KCNAB1: variants seen among roughly 807,000 people sequenced by gnomAD.
KCNAB1 encodes the protein potassium voltage-gated channel subfamily A regulatory beta subunit 1, also known as voltage-gated potassium channel subunit beta-1.
In KCNAB1, 35 loss-of-function variants were observed where a neutral mutation model predicts 64.6. That is an observed-to-expected ratio of 0.54 (90% CI 0.41 to 0.72). KCNAB1 has a LOEUF of 0.72. Among genes scored for constraint, KCNAB1 ranks in the 30% least tolerant of loss-of-function variants. KCNAB1 has a pLI of 0.00. For synonymous variants in KCNAB1, 177 were observed against 183.8 expected (o/e 0.96, Z 0.30); for missense variants, 401 against 512.9 (o/e 0.78, Z 2.11).
chr3:156,382,209 G>A (rs1330819174), intron 1 of KCNAB1: 1 of 152,100 alleles, frequency 6.6e-6, no homozygotes, highest in Non-Finnish European at 1.5e-5. Context: ...TTCAGGCTGG[G>A]TGAGTGGCTC....
chr3:156,244,057 T>C (rs1367349058), intron 1 of KCNAB1, among the ~76,000 whole-genome samples: 1 of 152,242 alleles, frequency 6.6e-6, no homozygotes, highest in Non-Finnish European at 1.5e-5. Flanking sequence ...TCCACACCCA[T>C]GCTTTAAGTT....
intron 1 of KCNAB1, chr3:156,382,352 C>G (rs1369043461): frequency 6.6e-6 from 1 of 152,220 alleles, no homozygotes; most frequent in African/African-American, 2.4e-5. Context: ...CATGGTGGTG[C>G]ATGCCTGTAA....
intron 1 of KCNAB1, among the ~76,000 whole-genome samples, chr3:156,259,577 G>A (rs1265481602): frequency 2.6e-5 from 4 of 152,156 alleles, no homozygotes; most frequent in African/African-American, 4.8e-5. Flanking sequence ...ATCCATTACC[G>A]AAACAGGAGC....
intron 1 of KCNAB1, among the ~76,000 whole-genome samples, chr3:156,298,584 C>A (rs868059538): frequency 2.0e-5 from 3 of 152,284 alleles, no homozygotes; most frequent in East Asian, 3.9e-4. Context: ...AAATTCCTTT[C>A]ATCAAATTCA....
rs1399428296 is a variant in KCNAB1 at position 156,508,595 on chromosome 3, G to A, written c.659-5769G>A. 6.6e-6 allele frequency among the ~76,000 whole-genome samples: 1 copy of A among 152,134 alleles called. No homozygotes were observed. The highest frequency in any genetic ancestry group is 1.5e-5 in the Non-Finnish European group (1 of 68,030). On this transcript the variant is annotated intron_variant, in intron 8 of 13. Coordinates refer to ENST00000490337, the MANE Select transcript of KCNAB1 (RefSeq NM_172160.3). The surrounding 1 kb of genome is among the most constrained non-coding windows in gnomAD (Gnocchi z 4.1). ...AACTGTCCCCAAAATGTTAGAATCTGGGCCTATTTGAGAAGAAACCTGGGC... is the reference window on the plus strand; with the variant it reads ...AACTGTCCCCAAAATGTTAGAATCTAGGCCTATTTGAGAAGAAACCTGGGC...
chr3:156,314,991 G>A (rs952104064), intron 1 of KCNAB1, among the ~76,000 whole-genome samples: 43 of 152,132 alleles, frequency 2.8e-4, no homozygotes, highest in African/African-American at 1.0e-3. Flanking sequence ...TCCAACCTGG[G>A]TGACAGAAGG....
chr3:156,324,864 A>T (rs971019355), intron 1 of KCNAB1, among the ~76,000 whole-genome samples: 9 of 152,126 alleles, frequency 5.9e-5, no homozygotes, highest in Non-Finnish European at 1.0e-4. Context: ...GAGTGTGAGT[A>T]CAGGGGAGCT....
At chr3:156,269,075 A>G (rs1718884819) in intron 1 of KCNAB1, among the ~76,000 whole-genome samples, 1 of 152,180 alleles carries the variant, frequency 6.6e-6, no homozygotes, top group Non-Finnish European at 1.5e-5. Flanking sequence ...TTTTCTGCAT[A>G]TGGATATCCA....
chr3:156,316,093 T>C (rs2108015823), intron 1 of KCNAB1, among the ~76,000 whole-genome samples: 1 of 152,360 alleles, frequency 6.6e-6, no homozygotes, highest in South Asian at 2.1e-4. Context: ...TATGTAGCAG[T>C]CACATCCTTT....
intron 1 of KCNAB1, among the ~76,000 whole-genome samples, chr3:156,381,670 G>A (rs1712166521): frequency 6.6e-6 from 1 of 152,196 alleles, no homozygotes; most frequent in South Asian, 2.1e-4. Flanking sequence ...AACACAAAAT[G>A]AGGAAAGGAT....
chr3:156,380,401 C>T (rs946754726), intron 1 of KCNAB1, among the ~76,000 whole-genome samples: 5 of 152,156 alleles, frequency 3.3e-5, no homozygotes, highest in East Asian at 1.9e-4. Flanking sequence ...GCATTTATTT[C>T]GGAAGTCCTG....
chr3:156,351,978 G>T lies in KCNAB1; in HGVS notation c.276-69638G>T, dbSNP rs559643371. Among the ~76,000 whole-genome samples the T allele has an allele frequency of 6.6e-4, 101 of 152,326 alleles. 1 individual carries two copies. The highest frequency in any genetic ancestry group is 2.4e-4 in the Non-Finnish European group (16 of 68,038). ...GGGCCTCCTCAGGCTGTCTCTCAGG[G>T]CATGTTCTGAAGCCCCCTGCACTGT... On this transcript the variant is annotated intron_variant, in intron 1 of 13. Transcript: ENST00000490337.
At chr3:156,171,917 G>A (rs1361038043) in intron 1 of KCNAB1, among the ~76,000 whole-genome samples, 3 of 152,176 alleles carry the variant, frequency 2.0e-5, no homozygotes, top group Non-Finnish European at 4.4e-5. Flanking sequence ...ATCTGACCAA[G>A]TGATTTCTGG....
At chr3:156,191,114 A>G (rs1048697821) in intron 1 of KCNAB1, among the ~76,000 whole-genome samples, 1 of 152,280 alleles carries the variant, frequency 6.6e-6, no homozygotes, top group African/African-American at 2.4e-5. Context: ...ATGGATTCAC[A>G]TGTAGAAATA....
At chr3:156,200,314 G>C (rs1200016074) in intron 1 of KCNAB1, among the ~76,000 whole-genome samples, 1 of 152,234 alleles carries the variant, frequency 6.6e-6, no homozygotes, top group East Asian at 1.9e-4. Context: ...GGACCCATTT[G>C]ATGAGGCAGT....
At chr3:156,315,591 C>T (rs1722221203) in intron 1 of KCNAB1, among the ~76,000 whole-genome samples, 1 of 151,944 alleles carries the variant, frequency 6.6e-6, no homozygotes, top group African/African-American at 2.4e-5. Context: ...TTTACTATCC[C>T]TTACAAAAGC....
intron 1 of KCNAB1, among the ~76,000 whole-genome samples, chr3:156,324,451 G>A (rs909776935): frequency 3.9e-5 from 6 of 152,224 alleles, no homozygotes; most frequent in East Asian, 1.9e-4. Flanking sequence ...ATGAATCGGT[G>A]CCATTTTAGT....
chr3:156,267,377 G>A (rs113688249), intron 1 of KCNAB1, among the ~76,000 whole-genome samples: 2,691 of 152,146 alleles, frequency 0.018, 53 homozygotes, highest in South Asian at 0.023. Context: ...GCCACCCTAT[G>A]CCTGTTTACA....
rs1204653570 is a variant in KCNAB1, at chr3:156,508,690, GA to G, written c.659-5671del. 1.3e-5 allele frequency among the ~76,000 whole-genome samples: 2 copies of G among 152,134 alleles called. No homozygotes were observed. The highest frequency in any genetic ancestry group is 2.9e-5 in the Non-Finnish European group (2 of 68,028). ...CACCCATTATCCCACGTCAAGCTTT[GA>G]AAGAATTTCACAACATCCATATCAT... On this transcript the variant is annotated intron_variant, in intron 8 of 13. Coordinates refer to ENST00000490337, the MANE Select transcript of KCNAB1 (RefSeq NM_172160.3). The surrounding 1 kb of genome is among the most constrained non-coding windows in gnomAD (Gnocchi z 4.1).
Sources: gnomAD v4.1 joint callset for allele counts (sites outside exome capture counted in the v4.1 genomes callset) on GRCh38, gnomAD v4.1.1 for gene constraint, Gnocchi (gnomAD v3.1) non-coding constraint, MANE v1.5 for transcripts, NCBI Gene and HGNC (gene_info 2026-07-23, HGNC 2026-07-21) for gene names.